PRR5L: variants seen among roughly 807,000 people sequenced by gnomAD.
PRR5L encodes proline rich 5 like.
Under a neutral mutation model 36.4 loss-of-function variants are expected in PRR5L, and 21 were observed. The ratio of observed to expected loss-of-function variants is 0.58; its 90% CI spans 0.41 to 0.83. The LOEUF is 0.83. PRR5L is among the 40% of genes least tolerant of loss of function. The probability of loss-of-function intolerance (pLI) is 0.00; values close to 1 mark genes in which losing one functional copy is unlikely to be tolerated. For missense variants in PRR5L, 381 were observed against 473.3 expected, an observed-to-expected ratio of 0.80 and a Z score of 1.81; for synonymous variants, 188 against 197.0, an observed-to-expected ratio of 0.95 and a Z score of 0.38.
intron 1 of PRR5L, among the ~76,000 whole-genome samples, chr11:36,302,510 G>A (rs1055065333): frequency 3.9e-5 from 6 of 152,190 alleles, no homozygotes; most frequent in African/African-American, 1.2e-4. Flanking sequence ...GCTCAGCTGG[G>A]TGCGGGGGCT....
At chr11:36,367,181 A>G (rs535840367) in intron 1 of PRR5L, among the ~76,000 whole-genome samples, 116 of 152,320 alleles carry the variant, frequency 7.6e-4, no homozygotes, top group Middle Eastern at 3.4e-3. Context: ...AACAGCATGC[A>G]GTAATACACA....
chr11:36,314,138 T>C (rs938748567), intron 1 of PRR5L, among the ~76,000 whole-genome samples: 10 of 152,204 alleles, frequency 6.6e-5, no homozygotes, highest in African/African-American at 2.2e-4. Context: ...AAATACCCTG[T>C]AATGAGTCTT....
chr11:36,432,510 T>C (rs1858522030), intron 5 of PRR5L, among the ~76,000 whole-genome samples: 2 of 152,302 alleles, frequency 1.3e-5, no homozygotes, highest in South Asian at 4.1e-4. Flanking sequence ...CCCATGACTC[T>C]ACCAAGGGCT....
At chr11:36,366,374 T>C (rs1857143623) in intron 1 of PRR5L, among the ~76,000 whole-genome samples, 1 of 150,684 alleles carries the variant, frequency 6.6e-6, no homozygotes, top group East Asian at 1.9e-4. Flanking sequence ...AGTTGTAATT[T>C]TTTTGTTTTT....
chr11:36,378,579 T>C (rs1857316886), intron 1 of PRR5L, among the ~76,000 whole-genome samples: 1 of 152,224 alleles, frequency 6.6e-6, no homozygotes, highest in Non-Finnish European at 1.5e-5. Flanking sequence ...TAGACTACTT[T>C]GTTTCTCAAG....
At chr11:36,348,732 G>A (rs1169004254) in intron 1 of PRR5L, among the ~76,000 whole-genome samples, 1 of 152,152 alleles carries the variant, frequency 6.6e-6, no homozygotes, top group African/African-American at 2.4e-5. Flanking sequence ...AGATTGCTGT[G>A]TGTCAGAAAT....
intron 8 of PRR5L, among the ~76,000 whole-genome samples, chr11:36,459,018 A>G (rs1859122939): frequency 6.6e-6 from 1 of 152,184 alleles, no homozygotes; most frequent in South Asian, 2.1e-4. Context: ...TCTGGCAGAA[A>G]AGGAGGCTGA....
intron 7 of PRR5L, among the ~76,000 whole-genome samples, chr11:36,447,975 G>C (rs1858867488): frequency 6.6e-6 from 1 of 152,122 alleles, no homozygotes; most frequent in African/African-American, 2.4e-5. Context: ...GGAAAGTTGG[G>C]CTCCCATCTT....
chr11:36,330,780 C>T (rs1478094889), intron 1 of PRR5L, among the ~76,000 whole-genome samples: 6 of 152,072 alleles, frequency 3.9e-5, no homozygotes, highest in Non-Finnish European at 5.9e-5. Context: ...GGACATATTA[C>T]GGACAGCAAG....
chr11:36,416,841 T>G lies in PRR5L; in HGVS notation c.246-2414T>G, dbSNP rs1240583075. 7.0e-5 allele frequency among the ~76,000 whole-genome samples: 10 copies of G among 143,538 alleles called. No homozygotes were observed. The Admixed American group carries it at 7.2e-4, about 10-fold the overall frequency. 94.2% of individuals were successfully genotyped at this position (143,538 alleles called of 152,430 possible). A position where few individuals can be genotyped will look rare whatever the true frequency, so the allele number is the denominator to read the frequency against. ...CCCTGATAGGAGGGGAGGAGATGTCTTGGATTCCTCAACTGGGTAGCATCA... is the reference window on the plus strand; with the variant it reads ...CCCTGATAGGAGGGGAGGAGATGTCGTGGATTCCTCAACTGGGTAGCATCA... On this transcript the variant is annotated intron_variant, in intron 3 of 8. Coordinates refer to ENST00000530639, the MANE Select transcript of PRR5L (RefSeq NM_001160167.2).
At chr11:36,375,937 T>C (rs929507026) in intron 1 of PRR5L, 5 of 350,678 alleles carry the variant, frequency 1.4e-5, no homozygotes, top group South Asian at 4.4e-5. Flanking sequence ...ACTCCTCTCT[T>C]CAGCTCCGCC....
chr11:36,353,959 A>C (rs149697630), intron 1 of PRR5L, among the ~76,000 whole-genome samples: 2 of 152,176 alleles, frequency 1.3e-5, no homozygotes, highest in Non-Finnish European at 2.9e-5. Flanking sequence ...GAGAAAGGGA[A>C]AAAGGAGAGA....
intron 1 of PRR5L, chr11:36,297,526 T>C (rs1039993402): frequency 6.6e-6 from 1 of 152,208 alleles, no homozygotes; most frequent in African/African-American, 2.4e-5. Flanking sequence ...TACACAGGAC[T>C]CATGGTATAT....
chr11:36,429,441 A>G (rs1418594611), intron 4 of PRR5L, among the ~76,000 whole-genome samples: 4 of 152,190 alleles, frequency 2.6e-5, no homozygotes, highest in African/African-American at 4.8e-5. Context: ...GTTTGAATTA[A>G]TTTCTGTTAA....
rs1359406079 is a variant in PRR5L, at chr11:36,463,511, GTCTC to G, written c.*780_*783del. On this transcript the variant is annotated 3_prime_UTR_variant, in exon 9 of 9. Coordinates refer to ENST00000530639, the MANE Select transcript of PRR5L (RefSeq NM_001160167.2). ...CCCAGATAAGAAGCTGGTGCCTCTT[GTCTC>G]TCTCATTTCAGAAACGGACTTTCTC... The G allele has an allele frequency of 1.3e-5, 2 of 152,610 alleles. No individual in the cohort carries two copies. The highest frequency in any genetic ancestry group is 3.9e-4 in the East Asian group (2 of 5,172). The allele number at this position is 152,610 out of a possible 1,614,324, so 9.5% of individuals were successfully genotyped here.
intron 1 of PRR5L, among the ~76,000 whole-genome samples, chr11:36,345,784 C>A (rs1159365508): frequency 6.6e-6 from 1 of 152,220 alleles, no homozygotes; most frequent in Non-Finnish European, 1.5e-5. Context: ...GGTCAGGTAA[C>A]AGCAGATGCT....
At chr11:36,453,616 G>A (rs578108885) in intron 8 of PRR5L, among the ~76,000 whole-genome samples, 1 of 152,274 alleles carries the variant, frequency 6.6e-6, no homozygotes, top group Non-Finnish European at 1.5e-5. Context: ...ACTGGGAGGT[G>A]CTATAGCTAT....
chr11:36,351,310 A>ATG lies in PRR5L; in HGVS notation c.-125-49686_-125-49685insGT, dbSNP rs1856944193. On this transcript the variant is annotated intron_variant, in intron 1 of 8. Transcript: ENST00000530639. ...TATTTATATATTTATATATATATTT[A>ATG]TATATATTTATAAATATTTATATAT... Among the ~76,000 whole-genome samples the ATG allele has an allele frequency of 1.2e-4, 9 of 77,282 alleles. No individual in the cohort carries two copies. The South Asian group carries it at 4.5e-3, about 39-fold the overall frequency. 50.7% of individuals were successfully genotyped at this position (77,282 alleles called of 152,430 possible).
chr11:36,388,779 A>G (rs1857506391), intron 1 of PRR5L, among the ~76,000 whole-genome samples: 1 of 142,786 alleles, frequency 7.0e-6, no homozygotes, highest in South Asian at 2.2e-4. Context: ...GCTCACTGCA[A>G]GCTCCGCCTC....
Sources: allele counts gnomAD v4.1 joint callset (sites outside exome capture counted in the v4.1 genomes callset), GRCh38; gene constraint gnomAD v4.1.1; transcripts MANE v1.5; gene names NCBI Gene and HGNC (gene_info 2026-07-23, HGNC 2026-07-21).